Variants in MAGI2 observed in about 807,000 individuals in gnomAD.
The protein encoded by MAGI2 is membrane-associated guanylate kinase, WW and PDZ domain-containing protein 2.
A neutral mutation model predicts 133.3 loss-of-function variants in MAGI2; 35 were observed. That is an observed-to-expected ratio of 0.26 (90% CI 0.20 to 0.35). MAGI2 has a LOEUF of 0.35. MAGI2 is among the 10% of genes least tolerant of loss of function. The probability of loss-of-function intolerance (pLI) is 1.00; values close to 1 mark genes in which losing one functional copy is unlikely to be tolerated. For synonymous variants in MAGI2, 729 were observed against 710.6 expected (o/e 1.03, Z -0.41); for missense variants, 1,636 against 1,863.4 (o/e 0.88, Z 2.25).
At chr7:78,831,619 TC>T (rs900388365) in intron 2 of MAGI2, among the ~76,000 whole-genome samples, 9 of 152,220 alleles carry the variant, frequency 5.9e-5, no homozygotes, top group South Asian at 2.1e-4. Context: ...TCTTGATTTT[TC>T]AGAACAATGT....
chr7:78,489,184 T>A (rs1457366247), intron 6 of MAGI2, among the ~76,000 whole-genome samples: 4 of 152,072 alleles, frequency 2.6e-5, no homozygotes, highest in African/African-American at 4.8e-5. Flanking sequence ...AAATTATTTT[T>A]AAAAGATTCT....
chr7:78,077,815 C>G (rs1015840497), intron 21 of MAGI2, among the ~76,000 whole-genome samples: 1 of 141,580 alleles, frequency 7.1e-6, no homozygotes, highest in Non-Finnish European at 1.5e-5. Flanking sequence ...CTGCAATCTC[C>G]GCCTCCTGGG....
At chr7:78,329,231 G>A (rs1788917803) in intron 9 of MAGI2, among the ~76,000 whole-genome samples, 2 of 152,144 alleles carry the variant, frequency 1.3e-5, no homozygotes. Context: ...TTTGATATTT[G>A]CAGACTCCAG....
At chr7:79,320,401 T>A (rs1839086735) in intron 1 of MAGI2, among the ~76,000 whole-genome samples, 1 of 151,890 alleles carries the variant, frequency 6.6e-6, no homozygotes, top group Admixed American at 6.6e-5. Flanking sequence ...TAAGACAATT[T>A]TCTGTGGTAT....
chr7:78,079,118 G>A (rs1815684922), intron 20 of MAGI2, 33 bp from the exon 21 acceptor site: 1 of 1,607,376 alleles, frequency 6.2e-7, no homozygotes, highest in Admixed American at 1.7e-5. Context: ...GTCAGCCAAA[G>A]ATGGTTTTAC....
chr7:78,387,675 C>T (rs1795509353), intron 6 of MAGI2, among the ~76,000 whole-genome samples: 1 of 152,052 alleles, frequency 6.6e-6, no homozygotes, highest in African/African-American at 2.4e-5. Flanking sequence ...ACCTGTAATC[C>T]CAGCACTTTG....
intron 1 of MAGI2, among the ~76,000 whole-genome samples, chr7:79,032,441 C>T (rs757829820): frequency 6.6e-6 from 1 of 150,800 alleles, no homozygotes; most frequent in Non-Finnish European, 1.5e-5. Flanking sequence ...TCACTTGAAC[C>T]CAGGAGGTGG....
chr7:78,112,840 A>G (rs756898227), intron 20 of MAGI2, among the ~76,000 whole-genome samples: 4 of 152,240 alleles, frequency 2.6e-5, no homozygotes, highest in Non-Finnish European at 5.9e-5. Context: ...ATGTAAAATT[A>G]TCACTGCGAC....
intron 1 of MAGI2, among the ~76,000 whole-genome samples, chr7:79,270,226 T>C (rs1834779602): frequency 6.6e-6 from 1 of 152,142 alleles, no homozygotes. Context: ...ATAAAAACCC[T>C]AACCTCTGAG....
chr7:79,243,596 T>C (rs561020485), intron 1 of MAGI2, among the ~76,000 whole-genome samples: 2 of 152,324 alleles, frequency 1.3e-5, no homozygotes, highest in South Asian at 4.1e-4. Context: ...AAAAGAATTT[T>C]AAATCTGAGA....
intron 2 of MAGI2, among the ~76,000 whole-genome samples, chr7:78,836,494 T>C (rs1791627908): frequency 6.6e-6 from 1 of 152,182 alleles, no homozygotes; most frequent in Non-Finnish European, 1.5e-5. Context: ...TCAATGCTTA[T>C]TGATAGAGAG....
intron 21 of MAGI2, among the ~76,000 whole-genome samples, chr7:78,034,501 G>T (rs1235519394): frequency 2.6e-5 from 4 of 152,008 alleles, no homozygotes; most frequent in African/African-American, 9.7e-5. Flanking sequence ...CTTGAAAAGA[G>T]GAAAAAACCA....
At chr7:78,215,438 TGA>T (rs1203690944) in intron 10 of MAGI2, among the ~76,000 whole-genome samples, 9 of 152,182 alleles carry the variant, frequency 5.9e-5, no homozygotes, top group Admixed American at 4.6e-4. Flanking sequence ...TTGGGTCAGC[TGA>T]GAGGATATGA....
chr7:79,345,323 T>G (rs1441712413), intron 1 of MAGI2, among the ~76,000 whole-genome samples: 1 of 152,078 alleles, frequency 6.6e-6, no homozygotes, highest in Non-Finnish European at 1.5e-5. Context: ...CACCACAGAT[T>G]GACAGCTAAC....
At chr7:79,084,514 A>C (rs975693392) in intron 1 of MAGI2, among the ~76,000 whole-genome samples, 1 of 151,786 alleles carries the variant, frequency 6.6e-6, no homozygotes, top group African/African-American at 2.4e-5. Context: ...TTAAGAAAAT[A>C]TGTTAAATGA....
intron 2 of MAGI2, among the ~76,000 whole-genome samples, chr7:78,830,829 G>A (rs1202868262): frequency 6.6e-6 from 1 of 152,110 alleles, no homozygotes; most frequent in East Asian, 1.9e-4. Flanking sequence ...TGGCAATCTA[G>A]CTAGCCTTGG....
At chr7:78,912,182 AT>A (rs1798448588) in intron 2 of MAGI2, among the ~76,000 whole-genome samples, 1 of 152,210 alleles carries the variant, frequency 6.6e-6, no homozygotes, top group Non-Finnish European at 1.5e-5. Context: ...TCCAGGGAAT[AT>A]AAAATTGCTA....
intron 9 of MAGI2, among the ~76,000 whole-genome samples, chr7:78,280,052 T>C (rs1462305481): frequency 6.6e-6 from 1 of 152,110 alleles, no homozygotes; most frequent in Non-Finnish European, 1.5e-5. Context: ...GTTTGCCGCC[T>C]TCAGAGTGAC....
intron 3 of MAGI2, among the ~76,000 whole-genome samples, chr7:78,588,681 T>C (rs1379099640): frequency 6.6e-6 from 1 of 152,156 alleles, no homozygotes; most frequent in African/African-American, 2.4e-5. Flanking sequence ...GTGCTGGCTG[T>C]GAATAAACTT....
Sources: gnomAD v4.1 joint callset for allele counts (sites outside exome capture counted in the v4.1 genomes callset) on GRCh38, gnomAD v4.1.1 for gene constraint, MANE v1.5 for transcripts, NCBI Gene and HGNC (gene_info 2026-07-23, HGNC 2026-07-21) for gene names.